DOCK1: variants seen among roughly 807,000 people sequenced by gnomAD.
DOCK1 encodes the protein dedicator of cytokinesis protein 1.
In DOCK1, 138 loss-of-function variants were observed where a neutral mutation model predicts 262.7. That is an observed-to-expected ratio of 0.53 (90% confidence interval 0.46 to 0.61). DOCK1 has a LOEUF of 0.61. DOCK1 is among the 20% of genes least tolerant of loss of function. DOCK1 has a pLI of 0.00. For synonymous variants in DOCK1, 866 were observed against 867.4 expected (o/e 1.00, Z 0.03); for missense variants, 1,908 against 2,370.7 (o/e 0.80, Z 4.05).
At chr10:127,291,172 T>C (rs1590297750) in intron 29 of DOCK1, among the ~76,000 whole-genome samples, 1 of 152,186 alleles carries the variant, frequency 6.6e-6, no homozygotes, top group Non-Finnish European at 1.5e-5. Context: ...CAGTCAAGAC[T>C]TTTGCTTACA....
chr10:126,910,260 A>G (rs369975088), intron 1 of DOCK1, among the ~76,000 whole-genome samples: 3 of 152,366 alleles, frequency 2.0e-5, no homozygotes, highest in South Asian at 2.1e-4. Flanking sequence ...ATTTATTTCT[A>G]TGCCATTGTT....
intron 1 of DOCK1, among the ~76,000 whole-genome samples, chr10:126,915,491 C>T (rs371488676): frequency 1.5e-4 from 23 of 152,192 alleles, no homozygotes; most frequent in African/African-American, 5.5e-4. Context: ...CAATCTTGGC[C>T]CACTGCAACC....
At chr10:127,444,777 G>A (rs375590174) in intron 50 of DOCK1, among the ~76,000 whole-genome samples, 22 of 152,264 alleles carry the variant, frequency 1.4e-4, no homozygotes, top group Admixed American at 3.3e-4. Context: ...AGGTTTTGGA[G>A]GCCAAAACTC....
chr10:127,032,420 G>T, intron 18 of DOCK1, 100 bp downstream of exon 18: 1 of 1,272,312 alleles, frequency 7.9e-7, no homozygotes, highest in South Asian at 1.6e-5. Flanking sequence ...GTAGGTGCAT[G>T]AACGTCACCC....
At chr10:126,971,468 A>G (rs997207137) in intron 2 of DOCK1, among the ~76,000 whole-genome samples, 1 of 152,124 alleles carries the variant, frequency 6.6e-6, no homozygotes, top group Non-Finnish European at 1.5e-5. Context: ...GTTGGAGTGC[A>G]GTGGCACAAT....
intron 49 of DOCK1, among the ~76,000 whole-genome samples, chr10:127,440,312 T>A (rs1708926117): frequency 6.6e-6 from 1 of 152,078 alleles, no homozygotes; most frequent in South Asian, 2.1e-4. Context: ...TGCCTCCCAC[T>A]GGCCGCACCC....
At chr10:126,941,761 GACAAA>G (rs1192975240) in intron 1 of DOCK1, among the ~76,000 whole-genome samples, 53 of 150,606 alleles carry the variant, frequency 3.5e-4, no homozygotes, top group African/African-American at 8.0e-4. Context: ...TCTCAAAACA[GACAAA>G]ACAAAACAAA....
At chr10:126,972,998 T>C (rs574429344) in intron 2 of DOCK1, among the ~76,000 whole-genome samples, 1 of 151,900 alleles carries the variant, frequency 6.6e-6, no homozygotes, top group East Asian at 2.0e-4. Context: ...CAGAGAGAAA[T>C]TAAGTAGAGG....
At chr10:127,189,448 C>T (rs1358904104) in intron 27 of DOCK1, among the ~76,000 whole-genome samples, 1 of 152,200 alleles carries the variant, frequency 6.6e-6, no homozygotes, top group African/African-American at 2.4e-5. Context: ...CATTCAGCCT[C>T]ACCCTGGGTG....
intron 28 of DOCK1, among the ~76,000 whole-genome samples, chr10:127,254,700 A>C (rs1157330233): frequency 6.6e-6 from 1 of 152,234 alleles, no homozygotes; most frequent in Non-Finnish European, 1.5e-5. Flanking sequence ...ATGGGTTGAA[A>C]ATCTGTGGCT....
intron 6 of DOCK1, among the ~76,000 whole-genome samples, chr10:126,994,836 C>A (rs190000365): frequency 0.017 from 2,563 of 152,320 alleles, 67 homozygotes; most frequent in African/African-American, 0.059. Flanking sequence ...CTGTTGCGTA[C>A]ACCTCCCAGA....
At chr10:126,906,320 C>T (rs2030811790) in intron 1 of DOCK1, among the ~76,000 whole-genome samples, 1 of 152,200 alleles carries the variant, frequency 6.6e-6, no homozygotes, top group African/African-American at 2.4e-5. Context: ...GAGGCTTTCC[C>T]TTGCGGCTGA....
At chr10:126,980,986 C>T (rs1431521756) in intron 3 of DOCK1, among the ~76,000 whole-genome samples, 4 of 145,398 alleles carry the variant, frequency 2.8e-5, no homozygotes, top group Non-Finnish European at 6.0e-5. Context: ...CTCGCTCTGT[C>T]GCCCAGGCTG....
chr10:126,998,122 C>G lies in DOCK1; in HGVS notation c.640C>G (p.Gln214Glu), dbSNP rs749458340. 2.7e-5 allele frequency: 44 copies of G among 1,613,916 alleles called. No individual in the cohort carries two copies. The Middle Eastern group carries it at 4.9e-4, about 18-fold the overall frequency. ...AAAGCAGAACATAGATATTAACAGACAAGCCAAGTTTGCTGCAACCCCTTC... is the reference window on the plus strand; with the variant it reads ...AAAGCAGAACATAGATATTAACAGAGAAGCCAAGTTTGCTGCAACCCCTTC... ...SQKQNIDINR[Q>E]AKFAATPSLA... The change falls in exon 8 of 52, where the codon CAA becomes GAA. Residue 214 changes from glutamine (Q) to glutamate (E), a missense_variant. Gln to Glu is a conservative substitution (Grantham distance 29). This residue lies in a region of DOCK1 where 227 missense variants were observed against 254.1 expected (regional missense o/e 0.89). Coordinates refer to ENST00000623213, the MANE Select transcript of DOCK1 (RefSeq NM_001290223.2).
intron 21 of DOCK1, among the ~76,000 whole-genome samples, chr10:127,043,457 G>A (rs773079312): frequency 2.6e-5 from 4 of 152,192 alleles, no homozygotes; most frequent in African/African-American, 7.2e-5. Flanking sequence ...CTTTGGATGC[G>A]GAGTGTCTGA....
intron 21 of DOCK1, among the ~76,000 whole-genome samples, chr10:127,044,162 C>A (rs1347538409): frequency 1.3e-5 from 2 of 152,144 alleles, no homozygotes; most frequent in African/African-American, 4.8e-5. Flanking sequence ...TTAGTTAAAA[C>A]TCCCTTCTGT....
chr10:126,985,930 C>T (rs1192860428), intron 4 of DOCK1, among the ~76,000 whole-genome samples: 1 of 152,054 alleles, frequency 6.6e-6, no homozygotes. Context: ...CTGCAACTTC[C>T]GTCTCCCGGG....
intron 29 of DOCK1, among the ~76,000 whole-genome samples, chr10:127,331,346 G>A (rs376355469): frequency 3.9e-5 from 6 of 152,194 alleles, no homozygotes; most frequent in Non-Finnish European, 5.9e-5. Context: ...GCAGCGGCGC[G>A]ATCCAGCTCT....
At chr10:127,402,923 C>T (rs940788058) in intron 38 of DOCK1, 132 bp from the exon 39 acceptor site, 17 of 870,952 alleles carry the variant, frequency 2.0e-5, no homozygotes, top group Admixed American at 2.5e-5. Flanking sequence ...TGTATTTTTT[C>T]GGTGTTATTC....
Sources: gnomAD v4.1 joint callset for allele counts (sites outside exome capture counted in the v4.1 genomes callset) on GRCh38, gnomAD v4.1.1 for gene constraint, gnomAD v4.1.1 regional missense constraint, MANE v1.5 for transcripts, NCBI Gene and HGNC (gene_info 2026-07-23, HGNC 2026-07-21) for gene names.